Variants in FADS6 observed in about 807,000 individuals in gnomAD.
FADS6 encodes the protein fatty acid desaturase domain family, member 6.
In FADS6, 28 loss-of-function variants were observed where a neutral mutation model predicts 31.7. That is an observed-to-expected ratio of 0.88 (90% CI 0.66 to 1.21). The LOEUF is 1.21. Among genes scored for constraint, FADS6 ranks in the 50% most tolerant of loss-of-function variants. FADS6 has a pLI of 0.00. For synonymous variants in FADS6, 191 were observed against 213.1 expected (o/e 0.90, Z 0.90); for missense variants, 494 against 504.2 (o/e 0.98, Z 0.19).
chr17:74,890,033 T>C (rs946141640), intron 2 of FADS6, among the ~76,000 whole-genome samples: 4 of 152,140 alleles, frequency 2.6e-5, no homozygotes, highest in Admixed American at 2.6e-4. Context: ...TTTATCCACA[T>C]GCTGGCCTCA....
At chr17:74,889,169 C>T (rs1334894109) in intron 2 of FADS6, among the ~76,000 whole-genome samples, 1 of 152,200 alleles carries the variant, frequency 6.6e-6, no homozygotes, top group Non-Finnish European at 1.5e-5. Context: ...AGCTGGTAAA[C>T]CCTGAGACAA....
At chr17:74,888,516 C>T (rs1483420421) in intron 2 of FADS6, among the ~76,000 whole-genome samples, 4 of 152,214 alleles carry the variant, frequency 2.6e-5, no homozygotes, top group East Asian at 1.9e-4. Flanking sequence ...GAGGAGAGAA[C>T]GTTCCAGGAT....
chr17:74,892,415 G>GCC, intron 2 of FADS6, 108 bp downstream of exon 2: 1 of 1,355,564 alleles, frequency 7.4e-7, no homozygotes. Context: ...GCAGCGGCCT[G>GCC]CCCCCGTGGG....
At chr17:74,884,265 A>G (rs2038601789) in intron 2 of FADS6, among the ~76,000 whole-genome samples, 1 of 152,190 alleles carries the variant, frequency 6.6e-6, no homozygotes, top group Admixed American at 6.5e-5. Context: ...CAGCCCGAAG[A>G]GTTCCCTGAG....
At chr17:74,883,564 G>A (rs542468276) in intron 2 of FADS6, among the ~76,000 whole-genome samples, 29 of 152,324 alleles carry the variant, frequency 1.9e-4, no homozygotes, top group Non-Finnish European at 3.1e-4. Context: ...CAGGCTCAGC[G>A]CCCTTCACTC....
At chr17:74,888,105 G>A (rs929312161) in intron 2 of FADS6, among the ~76,000 whole-genome samples, 1 of 150,390 alleles carries the variant, frequency 6.6e-6, no homozygotes, top group Non-Finnish European at 1.5e-5. Context: ...ACTGGAGCAT[G>A]GTGTAGGTGG....
At chr17:74,887,725 C>T (rs2038638150) in intron 2 of FADS6, among the ~76,000 whole-genome samples, 1 of 152,194 alleles carries the variant, frequency 6.6e-6, no homozygotes, top group South Asian at 2.1e-4. Flanking sequence ...CTTGCTCTCT[C>T]ACCAGGCTGG....
At position 74,882,510 on chromosome 17, in the gene FADS6, C is replaced by G. The variant is rs146475710; in HGVS notation, c.592+20G>C. 14 of 1,597,384 alleles carry G rather than the reference C, an allele frequency of 8.8e-6. No homozygotes were observed. The highest frequency in any genetic ancestry group is 1.2e-5 in the Non-Finnish European group (14 of 1,171,562). ...TAGGTCCATGCAGGACACTGCGGAC[C>G]GGGCTCTCATGGCACTCACCGACAG... On this transcript the variant is annotated intron_variant, in intron 3 of 5. Coordinates refer to ENST00000612771, the MANE Select transcript of FADS6 (RefSeq NM_178128.6).
At chr17:74,886,580 G>T (rs2038626165) in intron 2 of FADS6, among the ~76,000 whole-genome samples, 1 of 152,262 alleles carries the variant, frequency 6.6e-6, no homozygotes, top group Admixed American at 6.5e-5. Context: ...GCAGAAAGGG[G>T]TAGGACAAAG....
At chr17:74,879,038 CTTT>C (rs35990330) in intron 5 of FADS6, 1,067 of 129,764 alleles carry the variant, frequency 8.2e-3, no homozygotes, top group South Asian at 0.019. Flanking sequence ...CCCTCACCAC[CTTT>C]TTTTTTTTTT....
At chr17:74,882,418 G>T (rs896724547) in intron 3 of FADS6, 112 bp downstream of exon 3, 4 of 1,231,428 alleles carry the variant, frequency 3.2e-6, no homozygotes, top group Non-Finnish European at 2.2e-6. Context: ...GTCTCAGCAC[G>T]TATCTATCGG....
At chr17:74,888,157 C>CGCGCGCGG (rs2038648507) in intron 2 of FADS6, among the ~76,000 whole-genome samples, 12 of 108,912 alleles carry the variant, frequency 1.1e-4, no homozygotes, top group South Asian at 6.2e-4. Context: ...CACACACACG[C>CGCGCGCGG]GCGCGCGCGC....
At chr17:74,893,274 G>A (rs2038712075) in intron 1 of FADS6, 78 bp downstream of exon 1, 1 of 1,414,044 alleles carries the variant, frequency 7.1e-7, no homozygotes, top group Non-Finnish European at 9.2e-7. Context: ...TGCTGTTGCA[G>A]ACCCCGCGCC....
chr17:74,881,146 G>C lies in FADS6; in HGVS notation c.702C>G (p.Asn234Lys). 2 of 1,613,466 alleles carry C rather than the reference G, an allele frequency of 1.2e-6. No individual in the cohort carries two copies. The highest frequency in any genetic ancestry group is 1.7e-6 in the Non-Finnish European group (2 of 1,179,706). Reference protein sequence around the residue: ...WLLLNVSGFKNPSSALGCMFL... With the variant: ...WLLLNVSGFKKPSSALGCMFL... ...ACATGCAGCCCAGGGCTGAGCTGGGGTTCTTGAAGCCTGACACGTTCAGGA... is the reference window on the plus strand; with the variant it reads ...ACATGCAGCCCAGGGCTGAGCTGGGCTTCTTGAAGCCTGACACGTTCAGGA... The change falls in exon 4 of 6, where the codon AAC (asparagine) becomes AAG (lysine). Residue 234 changes from asparagine to lysine, a missense_variant. By Grantham distance (94) the Asn-to-Lys change is moderately conservative (BLOSUM62 0). Transcript: ENST00000612771.
chr17:74,878,428 T>C lies in FADS6; in HGVS notation c.1010A>G (p.Asn337Ser). 6.2e-7 allele frequency: 1 copy of C among 1,613,980 alleles called. No homozygotes were observed. The highest frequency in any genetic ancestry group is 2.2e-5 in the East Asian group (1 of 44,882). The change falls in exon 6 of 6, where the codon AAC becomes AGC. Residue 337 changes from asparagine to serine, a missense_variant. Asn to Ser is a conservative substitution (Grantham distance 46, BLOSUM62 1). Around this residue, in one of 2 missense-constraint regions of FADS6, gnomAD observed 454 missense variants for 438.5 expected, o/e 1.04. Transcript: ENST00000612771. ...QFLREKQLPY[N>S]EDSYLARFQL... is the part of the protein sequence containing the mutation. The stretch of plus-strand genomic sequence containing the variant: ...GAAGCGAGCCAGGTATGAGTCCTCG[T>C]TGTACGGTAGCTGCTTCTCACGTAG...
chr17:74,882,720 G>T lies in FADS6; in HGVS notation c.412-10C>A. The T allele has an allele frequency of 6.2e-7, 1 of 1,605,132 alleles. No homozygotes were observed. On this transcript the variant is annotated splice_polypyrimidine_tract_variant and intron_variant, in intron 2 of 5. Coordinates refer to ENST00000612771, the MANE Select transcript of FADS6 (RefSeq NM_178128.6). ...TGAAGGCTGTGCACACCTAGAGGAG[G>T]GAACCAGAAATGACACTGGGGTCCC...
At chr17:74,880,759 C>T (rs1464470834) in intron 4 of FADS6, among the ~76,000 whole-genome samples, 1 of 152,186 alleles carries the variant, frequency 6.6e-6, no homozygotes, top group Non-Finnish European at 1.5e-5. Flanking sequence ...TAATTGTGTC[C>T]TGTCCTGCAC....
intron 4 of FADS6, 95 bp downstream of exon 4, chr17:74,880,973 C>T: frequency 3.9e-6 from 5 of 1,296,714 alleles, no homozygotes; most frequent in East Asian, 2.5e-5. Flanking sequence ...CTTCAGGTGG[C>T]CCCTCTCTCC....
At chr17:74,880,348 A>G (rs2038554793) in intron 4 of FADS6, among the ~76,000 whole-genome samples, 1 of 151,862 alleles carries the variant, frequency 6.6e-6, no homozygotes, top group Non-Finnish European at 1.5e-5. Flanking sequence ...TCACTTCATT[A>G]TTATTATTAT....
Sources: allele counts gnomAD v4.1 joint callset (sites outside exome capture counted in the v4.1 genomes callset), GRCh38; gene constraint gnomAD v4.1.1; regional missense constraint gnomAD v4.1.1; transcripts MANE v1.5; gene names NCBI Gene and HGNC (gene_info 2026-07-23, HGNC 2026-07-21).